CDKL5: variants seen among roughly 807,000 people sequenced by gnomAD.
The protein encoded by CDKL5 is cyclin dependent kinase like 5, also known as cyclin-dependent kinase-like 5.
Under a neutral mutation model 61.7 loss-of-function variants are expected in CDKL5, and 8 were observed. That is an observed-to-expected ratio of 0.13 (90% CI 0.08 to 0.23). The LOEUF is 0.23. Ranked by LOEUF, CDKL5 falls within the 10% of genes least tolerant of loss-of-function variation. CDKL5 has a pLI of 1.00. For synonymous variants in CDKL5, 275 were observed against 272.3 expected (o/e 1.01, Z -0.10); for missense variants, 440 against 734.5 (o/e 0.60, Z 4.63).
At chrX:18,568,483 A>C (rs1342307869) in intron 4 of CDKL5, among the ~76,000 whole-genome samples, 1 of 112,123 alleles carries the variant, frequency 8.9e-6, no homozygotes, top group Admixed American at 9.4e-5. Flanking sequence ...AGTTAACACA[A>C]GTTAGGTTAT....
At chrX:18,498,485 G>A in intron 1 of CDKL5, among the ~76,000 whole-genome samples, 1 of 111,406 alleles carries the variant, frequency 9.0e-6, no homozygotes, top group African/African-American at 3.3e-5. Context: ...CTCATTTTGT[G>A]TTTCTTTTGT....
chrX:18,645,884 G>A, intron 19 of CDKL5: 2 of 1,113,072 alleles, frequency 1.8e-6, no homozygotes, highest in Admixed American at 4.9e-5. Flanking sequence ...GCAACTAGAT[G>A]GGGCCCCCTA....
At chrX:18,521,996 T>G (rs1418732411) in intron 3 of CDKL5, among the ~76,000 whole-genome samples, 2 of 112,123 alleles carry the variant, frequency 1.8e-5, no homozygotes, top group Admixed American at 9.5e-5. Flanking sequence ...TTTGTTATTC[T>G]TTTTCAATAC....
intron 4 of CDKL5, among the ~76,000 whole-genome samples, chrX:18,566,412 T>TC (rs1375061236): frequency 8.0e-5 from 9 of 113,016 alleles, no homozygotes; most frequent in Admixed American, 1.9e-4. Flanking sequence ...TGCCTTGGCC[T>TC]CCCAAAGTAC....
intron 4 of CDKL5, among the ~76,000 whole-genome samples, chrX:18,572,685 G>A (rs758933161): frequency 7.1e-5 from 8 of 112,239 alleles, no homozygotes; most frequent in African/African-American, 2.6e-4. Context: ...TCCCGTTGCT[G>A]TGGCTGAAGT....
At chrX:18,484,976 T>C (rs1204897780) in intron 1 of CDKL5, among the ~76,000 whole-genome samples, 3 of 111,003 alleles carry the variant, frequency 2.7e-5, no homozygotes, top group Non-Finnish European at 5.7e-5. Flanking sequence ...CCATAATAAA[T>C]AACAACTAAG....
At chrX:18,581,794 G>T in intron 6 of CDKL5, 97 bp from the exon 7 acceptor site, 1 of 550,978 alleles carries the variant, frequency 1.8e-6, no homozygotes, top group Non-Finnish European at 3.1e-6. Flanking sequence ...AATTACTCTA[G>T]ATATTTCTAA....
intron 1 of CDKL5, among the ~76,000 whole-genome samples, chrX:18,499,648 C>T (rs987079588): frequency 1.8e-5 from 2 of 112,017 alleles, no homozygotes; most frequent in Admixed American, 9.5e-5. Context: ...GGATTACAGG[C>T]GTGAGCCACT....
At chrX:18,453,838 C>T (rs750443281) in intron 1 of CDKL5, among the ~76,000 whole-genome samples, 5 of 111,920 alleles carry the variant, frequency 4.5e-5, no homozygotes, top group African/African-American at 6.5e-5. Context: ...TTTTCATAGG[C>T]GTGTTGTCTT....
intron 15 of CDKL5, among the ~76,000 whole-genome samples, chrX:18,617,193 G>A (rs980030143): frequency 9.0e-6 from 1 of 111,672 alleles, no homozygotes; most frequent in Non-Finnish European, 1.9e-5. Context: ...GGAAATAGCT[G>A]TCATGTTAGA....
In CDKL5 at chrX:18,635,282, A is replaced by G. The variant is rs755291756; in HGVS notation, c.*6525A>G. 2 of 745,832 alleles carry G rather than the reference A, an allele frequency of 2.7e-6. No homozygotes were observed. Among genetic ancestry groups the G allele is most frequent in the East Asian group, 1.5e-4 (1 of 6,565 alleles). 61.5% of individuals were successfully genotyped at this position (745,832 alleles called of 1,213,427 possible). ...TGCTGTAAATATTACACAAATATCT[A>G]TTCCGTGATAACCTTCATTATCAGC... On this transcript the variant is annotated 3_prime_UTR_variant, in exon 18 of 18. Transcript: ENST00000623535.
chrX:18,512,538 ATTC>A (rs1005449499), intron 3 of CDKL5, among the ~76,000 whole-genome samples: 1 of 111,073 alleles, frequency 9.0e-6, no homozygotes, highest in Non-Finnish European at 1.9e-5. Context: ...TGGCTTTTGT[ATTC>A]TTCTTGAAAT....
At chrX:18,486,446 C>A (rs575289751) in intron 1 of CDKL5, among the ~76,000 whole-genome samples, 4 of 112,085 alleles carry the variant, frequency 3.6e-5, no homozygotes, top group African/African-American at 1.3e-4. Flanking sequence ...CTGAACCAAA[C>A]TTTTGCCAAC....
chrX:18,507,117 T>C lies in CDKL5; in HGVS notation c.21T>C (p.Gly7=), dbSNP rs1922604912. MKIPNI[G]NVMNKFEILG... is the part of the protein sequence containing the mutation. The stretch of plus-strand genomic sequence containing the variant: ...TCTTCATGAAGATTCCTAACATTGG[T>C]AATGTGATGAATAAATTTGAGATCC... The change falls in exon 2 of 18, where the codon GGT becomes GGC. Residue 7 remains glycine, a synonymous_variant. Coordinates refer to ENST00000623535, the MANE Select transcript of CDKL5 (RefSeq NM_001323289.2). The C allele has an allele frequency of 1.7e-6, 2 of 1,201,322 alleles. No homozygotes were observed. Among genetic ancestry groups the C allele is most frequent in the Non-Finnish European group, 2.3e-6 (2 of 886,268 alleles).
At chrX:18,626,092 G>T in intron 17 of CDKL5, among the ~76,000 whole-genome samples, 1 of 105,194 alleles carries the variant, frequency 9.5e-6, no homozygotes, top group Admixed American at 1.0e-4. Flanking sequence ...TTGAGACAGG[G>T]CCTCAATCCC....
At chrX:18,487,491 G>T (rs773529085) in intron 1 of CDKL5, among the ~76,000 whole-genome samples, 45 of 112,796 alleles carry the variant, frequency 4.0e-4, no homozygotes, top group Non-Finnish European at 7.3e-4. Context: ...TAGAGACAAA[G>T]CCTCGCTGTG....
At position 18,514,003 on chromosome X, in the gene CDKL5, A is replaced by G. The variant is rs921943417; in HGVS notation, c.99+3149A>G. On this transcript the variant is annotated intron_variant, in intron 3 of 17. Transcript: ENST00000623535. ...GGTCTGTGTGATTGTTTATGCATAA[A>G]TTGGGTATCTTTTTGAAAAGGTTGA... is the stretch of plus-strand genomic sequence containing the variant. Among the ~76,000 whole-genome samples, 11 of 111,992 alleles carry G rather than the reference A, an allele frequency of 9.8e-5. No individual in the cohort carries two copies. The Admixed American group carries it at 1.0e-3, about 11-fold the overall frequency.
chrX:18,603,862 A>G (rs373859007), intron 11 of CDKL5, 40 bp from the exon 12 acceptor site: 227 of 1,198,773 alleles, frequency 1.9e-4, no homozygotes, highest in Non-Finnish European at 2.5e-4. Flanking sequence ...TGTGTCAGCT[A>G]TTGAGGGAAA....
intron 3 of CDKL5, among the ~76,000 whole-genome samples, chrX:18,557,625 C>G (rs1313491434): frequency 8.9e-6 from 1 of 112,333 alleles, no homozygotes; most frequent in Non-Finnish European, 1.9e-5. Flanking sequence ...CTGCGACTTC[C>G]TTATACAGTA....
Sources: allele counts gnomAD v4.1 joint callset (sites outside exome capture counted in the v4.1 genomes callset), GRCh38; gene constraint gnomAD v4.1.1; transcripts MANE v1.5; gene names NCBI Gene and HGNC (gene_info 2026-07-23, HGNC 2026-07-21).